SDHC: variants seen among roughly 807,000 people sequenced by gnomAD.
The protein encoded by SDHC is succinate dehydrogenase complex subunit C.
A neutral mutation model predicts 22.6 loss-of-function variants in SDHC; 11 were observed. That is an observed-to-expected ratio of 0.49 (90% CI 0.31 to 0.81). SDHC has a LOEUF of 0.81. Among genes scored for constraint, SDHC ranks in the 30% least tolerant of loss-of-function variants. The probability of loss-of-function intolerance (pLI) is 0.05; values close to 1 mark genes in which losing one functional copy is unlikely to be tolerated. For missense variants in SDHC, 160 were observed against 212.0 expected (o/e 0.75, Z 1.52); for synonymous variants, 80 against 77.8 (o/e 1.03, Z -0.15).
At chr1:161,361,363 TTTC>T (rs1305547433) in intron 5 of SDHC, among the ~76,000 whole-genome samples, 30 of 152,210 alleles carry the variant, frequency 2.0e-4, no homozygotes, top group African/African-American at 6.7e-4. Flanking sequence ...TTTAAAGGTA[TTTC>T]TTAGTGGAGT....
intron 4 of SDHC, among the ~76,000 whole-genome samples, chr1:161,348,871 C>G (rs1373178696): frequency 6.6e-6 from 1 of 150,946 alleles, no homozygotes; most frequent in African/African-American, 2.4e-5. Context: ...CAGGATTTTT[C>G]ATAGTGACAG....
intron 5 of SDHC, among the ~76,000 whole-genome samples, chr1:161,359,385 G>T (rs115787002): frequency 0.013 from 1,931 of 152,308 alleles, 42 homozygotes; most frequent in African/African-American, 0.042. Context: ...GTTCCCTGGG[G>T]CAGTGTTCAG....
chr1:161,331,962 G>GT (rs1231337199), intron 3 of SDHC, among the ~76,000 whole-genome samples: 1 of 151,834 alleles, frequency 6.6e-6, no homozygotes, highest in Non-Finnish European at 1.5e-5. Context: ...ATTAAGTCCT[G>GT]TTTTTTTGTT....
chr1:161,347,797 C>T (rs1271987870), intron 4 of SDHC, among the ~76,000 whole-genome samples: 5 of 151,736 alleles, frequency 3.3e-5, no homozygotes, highest in East Asian at 2.0e-4. Context: ...ACCCAGGAGG[C>T]GGAGGTTGCA....
intron 4 of SDHC, among the ~76,000 whole-genome samples, chr1:161,344,102 C>T (rs1352057030): frequency 2.6e-5 from 4 of 151,626 alleles, no homozygotes; most frequent in South Asian, 4.2e-4. Flanking sequence ...CTGGCTAACA[C>T]GGTGAAACCC....
intron 4 of SDHC, among the ~76,000 whole-genome samples, chr1:161,350,037 A>T (rs1672049279): frequency 6.6e-6 from 1 of 151,900 alleles, no homozygotes. Context: ...CAGCTTTCCC[A>T]GTAGCTAGGA....
chr1:161,356,865 T>C (rs747921731), intron 5 of SDHC, 25 bp downstream of exon 5: 15 of 1,609,946 alleles, frequency 9.3e-6, no homozygotes, highest in Non-Finnish European at 1.2e-5. Context: ...GATTTGCACA[T>C]TTTCTCTGTG....
chr1:161,338,117 T>C (rs7412460), intron 3 of SDHC, among the ~76,000 whole-genome samples: 17,782 of 152,196 alleles, frequency 0.12, 1,400 homozygotes, highest in African/African-American at 0.22. Context: ...CAAATTATGC[T>C]ATCGTTCTCT....
chr1:161,319,418 A>G (rs776242944), intron 1 of SDHC, among the ~76,000 whole-genome samples: 2 of 151,660 alleles, frequency 1.3e-5, no homozygotes, highest in Admixed American at 6.6e-5. Context: ...TGATCTTGCT[A>G]TCCAGGAATT....
At position 161,362,319 on chromosome 1, in the gene SDHC, T is replaced by C. The variant is rs1060504225; in HGVS notation, c.406-10T>C. On this transcript the variant is annotated splice_polypyrimidine_tract_variant and intron_variant, in intron 5 of 5. Transcript: ENST00000367975. ...GAAATTCCTTTTTTTTTTTTTTGCT[T>C]TGTCCACAGATGTGGGACCTAGGAA... The C allele has an allele frequency of 6.2e-7, 1 of 1,612,866 alleles. No homozygotes were observed. Among genetic ancestry groups the C allele is most frequent in the Non-Finnish European group, 8.5e-7 (1 of 1,179,536 alleles).
At chr1:161,338,780 G>A (rs1310191846) in intron 3 of SDHC, among the ~76,000 whole-genome samples, 1 of 152,188 alleles carries the variant, frequency 6.6e-6, no homozygotes, top group Non-Finnish European at 1.5e-5. Context: ...ATGAAACTCA[G>A]GTTTTCTTCC....
chr1:161,316,993 T>TG (rs1231709491), intron 1 of SDHC, among the ~76,000 whole-genome samples: 1 of 151,672 alleles, frequency 6.6e-6, no homozygotes, highest in Non-Finnish European at 1.5e-5. Flanking sequence ...GTTCTTTTTT[T>TG]GGGGGTCTCT....
At chr1:161,360,028 A>AT (rs34443836) in intron 5 of SDHC, among the ~76,000 whole-genome samples, 178 of 142,008 alleles carry the variant, frequency 1.3e-3, no homozygotes, top group Admixed American at 1.9e-3. Flanking sequence ...TCTCATCTTG[A>AT]TTTTTTTTTT....
intron 1 of SDHC, among the ~76,000 whole-genome samples, chr1:161,322,853 C>G (rs931476779): frequency 2.6e-5 from 4 of 152,176 alleles, no homozygotes; most frequent in African/African-American, 9.7e-5. Flanking sequence ...TGAGCCACTG[C>G]ACCTGGCCTG....
intron 3 of SDHC, among the ~76,000 whole-genome samples, chr1:161,330,597 G>A (rs1558168473): frequency 6.6e-6 from 1 of 152,192 alleles, no homozygotes; most frequent in Non-Finnish European, 1.5e-5. Context: ...ATTTTTAACA[G>A]CCTCTTTTTT....
At chr1:161,354,375 C>T (rs933743266) in intron 4 of SDHC, among the ~76,000 whole-genome samples, 7 of 152,160 alleles carry the variant, frequency 4.6e-5, no homozygotes, top group Non-Finnish European at 7.3e-5. Context: ...TAGTGGTTCA[C>T]ATGATGACCA....
At chr1:161,334,136 C>T (rs560915608) in intron 3 of SDHC, among the ~76,000 whole-genome samples, 2 of 152,160 alleles carry the variant, frequency 1.3e-5, no homozygotes, top group Non-Finnish European at 2.9e-5. Flanking sequence ...TTCTGGAGGC[C>T]CTAGGGAAGA....
intron 4 of SDHC, among the ~76,000 whole-genome samples, chr1:161,349,164 G>A (rs1672012719): frequency 6.6e-6 from 1 of 152,026 alleles, no homozygotes; most frequent in African/African-American, 2.4e-5. Context: ...GTTTTGGGTA[G>A]TCTTTAAAAA....
intron 4 of SDHC, among the ~76,000 whole-genome samples, chr1:161,351,937 A>G (rs911276158): frequency 3.9e-5 from 6 of 152,212 alleles, no homozygotes; most frequent in African/African-American, 9.7e-5. Context: ...TGACTTCTGG[A>G]AGTGACAATA....
Sources: allele counts gnomAD v4.1 joint callset (sites outside exome capture counted in the v4.1 genomes callset), GRCh38; gene constraint gnomAD v4.1.1; transcripts MANE v1.5; gene names NCBI Gene and HGNC (gene_info 2026-07-23, HGNC 2026-07-21).